TOX2: variants seen among roughly 807,000 people sequenced by gnomAD.
TOX2 encodes TOX high mobility group box family member 2, also known as granulosa cell HMG box 1.
A neutral mutation model predicts 47.4 loss-of-function variants in TOX2; 15 were observed. The observed-to-expected ratio is 0.32, with a 90% CI of 0.21 to 0.49. The LOEUF is 0.49. TOX2 is among the 20% of genes least tolerant of loss of function. TOX2 has a pLI of 0.99. For synonymous variants in TOX2, 290 were observed against 296.6 expected, an observed-to-expected ratio of 0.98 and a Z score of 0.23; for missense variants, 622 against 673.1, an observed-to-expected ratio of 0.92 and a Z score of 0.84.
chr20:44,008,739 G>A (rs887543584), intron 3 of TOX2, among the ~76,000 whole-genome samples: 1 of 151,826 alleles, frequency 6.6e-6, no homozygotes, highest in Non-Finnish European at 1.5e-5. Flanking sequence ...TTAATATTAC[G>A]TACTAGTCAT....
Position 44,036,867 on chromosome 20 carries a change from G to A in TOX2, c.412-14439G>A, listed in dbSNP as rs75911761. On this transcript the variant is annotated intron_variant, in intron 3 of 8. Coordinates refer to ENST00000341197, the MANE Select transcript of TOX2 (RefSeq NM_001098797.2). ...ATTTGTGAAGTGCCCTCCTGTGCCA[G>A]GCTGGGTGCTGTCATTTTTAGTGTC... is the stretch of plus-strand genomic sequence containing the variant. 5.3e-3 allele frequency among the ~76,000 whole-genome samples: 811 copies of A among 152,358 alleles called. 13 individuals are homozygous for A. Among genetic ancestry groups the A allele is most frequent in the African/African-American group, 0.019 (775 of 41,580 alleles).
At chr20:43,987,855 C>T (rs1354102775) in intron 2 of TOX2, among the ~76,000 whole-genome samples, 1 of 151,256 alleles carries the variant, frequency 6.6e-6, no homozygotes, top group African/African-American at 2.4e-5. Context: ...AGGCTCTGGC[C>T]TTCCACTTCT....
At chr20:43,964,680 G>A (rs569142473) in intron 1 of TOX2, among the ~76,000 whole-genome samples, 1 of 152,292 alleles carries the variant, frequency 6.6e-6, no homozygotes, top group African/African-American at 2.4e-5. Context: ...GACTTCCTGG[G>A]TGGCTTTGGA....
At chr20:43,988,172 C>G (rs1177979713) in intron 2 of TOX2, among the ~76,000 whole-genome samples, 1 of 152,150 alleles carries the variant, frequency 6.6e-6, no homozygotes, top group Non-Finnish European at 1.5e-5. Context: ...CCCGCCTCGG[C>G]CTCCCAAAGT....
intron 1 of TOX2, among the ~76,000 whole-genome samples, chr20:43,970,582 A>G (rs1396251423): frequency 1.3e-5 from 2 of 152,218 alleles, no homozygotes; most frequent in African/African-American, 4.8e-5. Flanking sequence ...ATGTTCCTCC[A>G]TCTCCAATTA....
chr20:44,050,100 G>A (rs891770709), intron 3 of TOX2, among the ~76,000 whole-genome samples: 2 of 152,204 alleles, frequency 1.3e-5, no homozygotes, highest in African/African-American at 4.8e-5. Context: ...TCTCATCTAA[G>A]CAATGCTAGG....
At chr20:44,001,653 T>C (rs886682174) in intron 2 of TOX2, among the ~76,000 whole-genome samples, 12 of 151,904 alleles carry the variant, frequency 7.9e-5, no homozygotes, top group African/African-American at 2.9e-4. Flanking sequence ...ACTTGAGCAG[T>C]CAGTTAGCAT....
intron 1 of TOX2, among the ~76,000 whole-genome samples, chr20:43,951,857 A>G (rs1380845999): frequency 1.3e-5 from 2 of 149,500 alleles, no homozygotes; most frequent in African/African-American, 2.5e-5. Context: ...ACAGGTACAT[A>G]CCACCATGCC....
chr20:43,994,459 C>CACAAAAAAAAA, intron 2 of TOX2, among the ~76,000 whole-genome samples: 1 of 127,996 alleles, frequency 7.8e-6, no homozygotes, highest in African/African-American at 2.9e-5. Flanking sequence ...ACCCTGTCTC[C>CACAAAAAAAAA]AAAAAAAAAA....
At chr20:43,937,474 G>A (rs898223001) in intron 1 of TOX2, among the ~76,000 whole-genome samples, 40 of 152,234 alleles carry the variant, frequency 2.6e-4, no homozygotes, top group African/African-American at 8.7e-4. Flanking sequence ...GGGGGAGGAG[G>A]AAGCAAGGAA....
chr20:43,944,397 G>A (rs1185761036), intron 1 of TOX2, among the ~76,000 whole-genome samples: 1 of 152,210 alleles, frequency 6.6e-6, no homozygotes, highest in Non-Finnish European at 1.5e-5. Flanking sequence ...TGGGGAAGAA[G>A]GAGATCTTTG....
chr20:43,966,795 A>T (rs1264331121), intron 1 of TOX2, among the ~76,000 whole-genome samples: 1 of 150,592 alleles, frequency 6.6e-6, no homozygotes, highest in Non-Finnish European at 1.5e-5. Flanking sequence ...GGCTCCCACT[A>T]TGCTGAGGAC....
At chr20:43,932,186 C>T (rs2069260460) in intron 1 of TOX2, among the ~76,000 whole-genome samples, 1 of 152,088 alleles carries the variant, frequency 6.6e-6, no homozygotes, top group African/African-American at 2.4e-5. Flanking sequence ...TGTCATTTTC[C>T]AAAAGGGTCA....
In TOX2 at chr20:44,068,902, AC is replaced by A; in HGVS notation, c.*218del. 1 of 717,698 alleles carries A rather than the reference AC, an allele frequency of 1.4e-6. No homozygotes were observed. The highest frequency in any genetic ancestry group is 2.5e-6 in the Non-Finnish European group (1 of 393,104). The allele number at this position is 717,698 out of a possible 1,614,324, so 44.5% of individuals were successfully genotyped here. ...CCACCAGCCCAAAGAACCTGCAGGA[AC>A]CTTCCGCCCGCTGACCTGCTTGCTC... On this transcript the variant is annotated 3_prime_UTR_variant, in exon 9 of 9. Coordinates refer to ENST00000341197, the MANE Select transcript of TOX2 (RefSeq NM_001098797.2).
chr20:43,918,789 T>C (rs2069084387), intron 1 of TOX2, among the ~76,000 whole-genome samples: 1 of 152,244 alleles, frequency 6.6e-6, no homozygotes, highest in Non-Finnish European at 1.5e-5. Context: ...TAAGTAAAGC[T>C]ACTGTGAACA....
intron 3 of TOX2, among the ~76,000 whole-genome samples, chr20:44,039,827 C>A (rs1392726533): frequency 6.6e-6 from 1 of 152,178 alleles, no homozygotes; most frequent in Non-Finnish European, 1.5e-5. Context: ...GAGGGTCATT[C>A]CTGGGGCCCC....
intron 1 of TOX2, among the ~76,000 whole-genome samples, chr20:43,939,829 G>A (rs1434647885): frequency 2.0e-5 from 3 of 152,222 alleles, no homozygotes; most frequent in African/African-American, 7.2e-5. Flanking sequence ...GCACAGAGTA[G>A]ATGCTTACTA....
intron 8 of TOX2, 36 bp downstream of exon 8, chr20:44,066,893 G>C (rs771336898): frequency 9.4e-6 from 15 of 1,591,102 alleles, no homozygotes; most frequent in Non-Finnish European, 1.3e-5. Flanking sequence ...TGTCCTGCCA[G>C]CCAGGGAGAG....
chr20:44,023,431 G>GAAAAAAAA (rs35627597), intron 3 of TOX2, among the ~76,000 whole-genome samples: 1,841 of 118,972 alleles, frequency 0.015, 88 homozygotes, highest in African/African-American at 0.059. Flanking sequence ...CTTTATCTCA[G>GAAAAAAAA]AAAAAAAAAA....
Sources: gnomAD v4.1 joint callset for allele counts (sites outside exome capture counted in the v4.1 genomes callset) on GRCh38, gnomAD v4.1.1 for gene constraint, MANE v1.5 for transcripts, NCBI Gene and HGNC (gene_info 2026-07-23, HGNC 2026-07-21) for gene names.